Variants in SGK1 observed in about 807,000 individuals in gnomAD.
SGK1 encodes serine/threonine-protein kinase Sgk1.
A neutral mutation model predicts 64.2 loss-of-function variants in SGK1; 26 were observed. The ratio of observed to expected loss-of-function variants is 0.40; its 90% CI spans 0.30 to 0.56. The LOEUF is 0.56. SGK1 is among the 20% of genes least tolerant of loss of function. The pLI, the probability that SGK1 is intolerant of heterozygous loss-of-function variation, is 0.38. For synonymous variants in SGK1, 265 were observed against 239.7 expected (o/e 1.11, Z -0.98); for missense variants, 519 against 645.6 (o/e 0.80, Z 2.12).
chr6:134,298,260 G>T, intron 1 of SGK1: 1 of 1,572,530 alleles, frequency 6.4e-7, no homozygotes, highest in Non-Finnish European at 8.7e-7. Context: ...GCCGCCTAAG[G>T]TTGTTGAAGT....
intron 1 of SGK1, among the ~76,000 whole-genome samples, chr6:134,278,720 A>T (rs1366588718): frequency 1.3e-5 from 2 of 152,194 alleles, no homozygotes; most frequent in African/African-American, 2.4e-5. Context: ...TGAAGTACCT[A>T]TTATGTCCAA....
chr6:134,175,908 A>C, intron 3 of SGK1: 8 of 926,670 alleles, frequency 8.6e-6, no homozygotes, highest in Admixed American at 6.5e-5. Context: ...AAGAGGGAAA[A>C]GGGGGAGGGA....
rs1038067168 is a variant in SGK1 at position 134,169,334 on chromosome 6, T to C, written c.*934A>G. 1 of 152,658 alleles carries C rather than the reference T, an allele frequency of 6.6e-6. No individual in the cohort carries two copies. Among genetic ancestry groups the C allele is most frequent in the South Asian group, 2.1e-4 (1 of 4,836 alleles). 9.5% of individuals were successfully genotyped at this position (152,658 alleles called of 1,614,324 possible). ...GTTGTGTGATGGGATGAGGGAAGGA[T>C]TGTACGTATTATAACCATGTTAATT... On this transcript the variant is annotated 3_prime_UTR_variant, in exon 14 of 14. Transcript: ENST00000367858.
At chr6:134,232,188 C>A (rs577326654) in intron 2 of SGK1, among the ~76,000 whole-genome samples, 1 of 151,494 alleles carries the variant, frequency 6.6e-6, no homozygotes, top group African/African-American at 2.4e-5. Context: ...AGAGTTCGGA[C>A]CAGCCTGGCC....
chr6:134,205,875 A>G (rs1277949036), intron 3 of SGK1, among the ~76,000 whole-genome samples: 2 of 152,144 alleles, frequency 1.3e-5, no homozygotes, highest in Non-Finnish European at 2.9e-5. Context: ...AAGCTCTATT[A>G]TCACTCTCTT....
intron 1 of SGK1, among the ~76,000 whole-genome samples, chr6:134,299,067 G>A (rs1777406751): frequency 6.6e-6 from 1 of 152,000 alleles, no homozygotes; most frequent in Non-Finnish European, 1.5e-5. Flanking sequence ...CCAAAGTGCT[G>A]GGATTACAGG....
chr6:134,218,315 T>C (rs952207612), intron 2 of SGK1, among the ~76,000 whole-genome samples: 1 of 152,238 alleles, frequency 6.6e-6, no homozygotes, highest in Non-Finnish European at 1.5e-5. Flanking sequence ...GTTATTCATT[T>C]AATAAATATT....
intron 3 of SGK1, among the ~76,000 whole-genome samples, chr6:134,206,262 A>G (rs1053603572): frequency 6.8e-5 from 10 of 146,032 alleles, no homozygotes; most frequent in Middle Eastern, 3.7e-3. Flanking sequence ...TCTGTCTTCT[A>G]CTCCAGCAAA....
chr6:134,218,423 T>TTCTTTC (rs1349245921), intron 2 of SGK1, among the ~76,000 whole-genome samples: 5 of 143,102 alleles, frequency 3.5e-5, no homozygotes, highest in African/African-American at 1.2e-4. Context: ...TTGTTTTCTT[T>TTCTTTC]TCTTTCTTTT....
At position 134,171,162 on chromosome 6, in the gene SGK1, C is replaced by T. The variant is rs758343377; in HGVS notation, c.1184G>A (p.Arg395Gln). 9.9e-6 allele frequency: 16 copies of T among 1,613,712 alleles called. No individual in the cohort carries two copies. Among genetic ancestry groups the T allele is most frequent in the Admixed American group, 3.3e-5 (2 of 59,936 alleles). Residue 395 changes from arginine (R) to glutamine (Q), a missense_variant, in exon 12 of 14, where the codon CGA becomes CAA. This residue lies in a region of SGK1 where 278 missense variants were observed against 408.7 expected (regional missense o/e 0.68). Coordinates refer to ENST00000367858, the MANE Select transcript of SGK1 (RefSeq NM_001143676.3). ...MLYGLPPFYS[R>Q]NTAEMYDNIL... ...GTTGTCGTACATTTCAGCTGTGTTT[C>T]GGCTATAAAAAGGCGGCTGAAAGAA... is the stretch of plus-strand genomic sequence containing the variant.
rs556770232 is a variant in SGK1 at position 134,169,307 on chromosome 6, A to T, written c.*961T>A. 9.2e-5 allele frequency: 14 copies of T among 152,758 alleles called. No homozygotes were observed. Among genetic ancestry groups the T allele is most frequent in the Non-Finnish European group, 7.4e-5 (5 of 68,022 alleles). 9.5% of individuals were successfully genotyped at this position (152,758 alleles called of 1,614,324 possible). On this transcript the variant is annotated 3_prime_UTR_variant, in exon 14 of 14. Transcript: ENST00000367858. Reference sequence around the variant, plus strand: ...AAAATCAGTTTATCACACACAAAAAAAGTTGTGTGATGGGATGAGGGAAGG... The same window carrying T: ...AAAATCAGTTTATCACACACAAAAATAGTTGTGTGATGGGATGAGGGAAGG...
intron 3 of SGK1, among the ~76,000 whole-genome samples, chr6:134,194,480 G>A (rs1276746142): frequency 6.6e-6 from 1 of 151,270 alleles, no homozygotes; most frequent in Admixed American, 6.6e-5. Context: ...ATCATTCTTT[G>A]CTCAAATAAG....
chr6:134,245,420 C>T (rs898274687), intron 2 of SGK1, among the ~76,000 whole-genome samples: 7 of 152,294 alleles, frequency 4.6e-5, no homozygotes, highest in East Asian at 3.9e-4. Context: ...AGACAAATAG[C>T]ATCTTTAAGG....
intron 1 of SGK1, among the ~76,000 whole-genome samples, chr6:134,316,092 G>A (rs1429381251): frequency 6.6e-6 from 1 of 152,182 alleles, no homozygotes; most frequent in South Asian, 2.1e-4. Flanking sequence ...ATTTTGGTTT[G>A]AATGCATATG....
chr6:134,174,653 C>A, intron 3 of SGK1, 67 bp from the exon 4 acceptor site: 1 of 1,607,212 alleles, frequency 6.2e-7, no homozygotes, highest in South Asian at 1.1e-5. Context: ...GCCACACACA[C>A]TAATCTGATC....
intron 2 of SGK1, among the ~76,000 whole-genome samples, chr6:134,228,699 C>A (rs1032799697): frequency 6.6e-6 from 1 of 152,114 alleles, no homozygotes; most frequent in South Asian, 2.1e-4. Context: ...CTGGGCTCTG[C>A]GCAAAGGCAG....
chr6:134,173,207 T>G, intron 7 of SGK1, 53 bp from the exon 8 acceptor site: 1 of 1,609,856 alleles, frequency 6.2e-7, no homozygotes. Flanking sequence ...GGCACCAACA[T>G]TCCAGAATCA....
intron 2 of SGK1, among the ~76,000 whole-genome samples, chr6:134,223,101 G>A (rs1776115558): frequency 6.6e-6 from 1 of 152,186 alleles, no homozygotes; most frequent in Admixed American, 6.5e-5. Flanking sequence ...GGGCGCAGTG[G>A]CTCACGCCTG....
intron 3 of SGK1, among the ~76,000 whole-genome samples, chr6:134,203,034 A>G (rs186264466): frequency 5.9e-5 from 9 of 152,284 alleles, no homozygotes; most frequent in Admixed American, 2.0e-4. Context: ...ACTTGAGGTC[A>G]AGAGATCGAG....
Sources: gnomAD v4.1 joint callset for allele counts (sites outside exome capture counted in the v4.1 genomes callset) on GRCh38, gnomAD v4.1.1 for gene constraint, gnomAD v4.1.1 regional missense constraint, MANE v1.5 for transcripts, NCBI Gene and HGNC (gene_info 2026-07-23, HGNC 2026-07-21) for gene names.